Variants in OBP2B observed in about 807,000 individuals in gnomAD.
The protein encoded by OBP2B is odorant-binding protein 2b.
OBP2B carries 10 observed loss-of-function variants against 21.7 expected under a neutral mutation model. The ratio of observed to expected loss-of-function variants is 0.46; its 90% CI spans 0.28 to 0.78. The LOEUF (loss-of-function observed/expected upper bound fraction) is 0.78. OBP2B is among the 30% of genes least tolerant of loss of function. OBP2B has a pLI of 0.11. For missense variants in OBP2B, 153 were observed against 217.7 expected (o/e 0.70, Z 1.87); for synonymous variants, 73 against 91.5 (o/e 0.80, Z 1.16).
At chr9:133,207,946 C>G in intron 3 of OBP2B, 187 bp downstream of exon 3, 1 of 1,534,718 alleles carries the variant, frequency 6.5e-7, no homozygotes, top group African/African-American at 1.4e-5. Context: ...GCGGACAAGC[C>G]TGTCACACCC....
At chr9:133,220,153 T>C in the OBP2B span, among the ~76,000 whole-genome samples, 1 of 152,206 alleles carries the variant, frequency 6.6e-6, no homozygotes. Context: ...GGGACCTTTG[T>C]AAGATGATGA....
chr9:133,208,708 C>T (rs139682779), intron 1 of OBP2B, 106 bp from the exon 2 acceptor site: 22,960 of 1,522,016 alleles, frequency 0.015, 218 homozygotes, highest in Admixed American at 0.027. Context: ...TGCCCGGCTG[C>T]TGCCCTTAAA....
At chr9:133,221,453 G>A in the OBP2B span, among the ~76,000 whole-genome samples, 12 of 152,154 alleles carry the variant, frequency 7.9e-5, no homozygotes, top group Non-Finnish European at 1.6e-4. Context: ...GGCATGAAGT[G>A]ACACCACAAT....
the OBP2B span, among the ~76,000 whole-genome samples, chr9:133,217,544 C>T: frequency 3.9e-5 from 6 of 152,208 alleles, no homozygotes; most frequent in Non-Finnish European, 8.8e-5. Flanking sequence ...GGACGTCTGG[C>T]GGCACACACC....
chr9:133,207,102 C>A, intron 4 of OBP2B, 124 bp downstream of exon 4: 1 of 702,936 alleles, frequency 1.4e-6, no homozygotes, highest in Admixed American at 2.4e-5. Flanking sequence ...CGGTGCCCGG[C>A]ACATGAAAGC....
chr9:133,205,384 G>A lies in OBP2B; in HGVS notation c.*29C>T. The A allele has an allele frequency of 2.0e-6, 3 of 1,498,376 alleles. No homozygotes were observed. Among genetic ancestry groups the A allele is most frequent in the Non-Finnish European group, 2.7e-6 (3 of 1,103,546 alleles). The allele number at this position is 1,498,376 out of a possible 1,614,324, so 92.8% of individuals were successfully genotyped here. A position where few individuals can be genotyped will look rare whatever the true frequency, so the allele number is the denominator to read the frequency against. ...AGGCTCTGTGTCTGGTGGTAGGGTG[G>A]GCTCTGGAGGTGCAGACCCGGGGGC... On this transcript the variant is annotated 3_prime_UTR_variant, in exon 7 of 7. Coordinates refer to ENST00000372034, the MANE Select transcript of OBP2B (RefSeq NM_014581.4).
upstream of OBP2B, among the ~76,000 whole-genome samples, chr9:133,211,889 A>T (rs1833920604): frequency 1.3e-5 from 2 of 152,238 alleles, no homozygotes; most frequent in African/African-American, 4.8e-5. Flanking sequence ...AAATGGTTTA[A>T]ATATTAAATG....
chr9:133,205,534 C>T, intron 6 of OBP2B, 123 bp from the exon 7 acceptor site: 1 of 677,474 alleles, frequency 1.5e-6, no homozygotes, highest in Non-Finnish European at 2.5e-6. Flanking sequence ...CTCGGGGCTC[C>T]AGAGCGACCT....
At chr9:133,220,374 G>T in the OBP2B span, among the ~76,000 whole-genome samples, 2 of 152,208 alleles carry the variant, frequency 1.3e-5, no homozygotes, top group East Asian at 1.9e-4. Flanking sequence ...CCTGAGCTGC[G>T]CTCCATTAGG....
the OBP2B span, among the ~76,000 whole-genome samples, chr9:133,215,588 G>A: frequency 1.3e-5 from 2 of 151,610 alleles, no homozygotes; most frequent in African/African-American, 2.4e-5. Context: ...GCACAATCTC[G>A]ACTCATTGCA....
At chr9:133,222,801 C>G in the OBP2B span, among the ~76,000 whole-genome samples, 2 of 151,978 alleles carry the variant, frequency 1.3e-5, no homozygotes, top group Non-Finnish European at 2.9e-5. Flanking sequence ...AAGAATGGGC[C>G]TCCTTCTTCC....
chr9:133,205,846 C>A, intron 6 of OBP2B, 71 bp downstream of exon 6: 2 of 1,609,818 alleles, frequency 1.2e-6, no homozygotes, highest in Admixed American at 1.7e-5. Context: ...GGGGCCAGAG[C>A]AGATGTACCC....
At chr9:133,213,414 A>T (rs1833939950), upstream of OBP2B, among the ~76,000 whole-genome samples, 1 of 152,238 alleles carries the variant, frequency 6.6e-6, no homozygotes, top group South Asian at 2.1e-4. Context: ...GAAAAGAAAT[A>T]ACAAAGATAA....
rs1485397093 is a variant in OBP2B at position 133,208,164 on chromosome 9, C to G, written c.246G>C (p.Arg82=). ...TGTATTTGCCAGGCTCCTCCGTCTT[C>G]CGCATCAGGATTTTCTTCTGGATGC... ...DRCIQKKILM[R]KTEEPGKYSA... is the part of the protein sequence containing the mutation. Residue 82 remains arginine (R), a synonymous_variant, in exon 3 of 7, where the codon CGG becomes CGC. Transcript: ENST00000372034. 4.3e-6 allele frequency: 7 copies of G among 1,611,736 alleles called. 1 individual carries two copies. In the South Asian group the frequency reaches 6.6e-5, roughly 15 times the overall value.
chr9:133,223,123 C>T, the OBP2B span, among the ~76,000 whole-genome samples: 1 of 152,212 alleles, frequency 6.6e-6, no homozygotes, highest in African/African-American at 2.4e-5. This position sits in a 1 kb window ranked among gnomAD's most constrained non-coding sequence, Gnocchi z 4.4. Flanking sequence ...GAGCAGCTCT[C>T]AGATGGCTTC....
In OBP2B at chr9:133,205,780, A is replaced by G. The variant is rs1588614075; in HGVS notation, c.*1+137T>C. On this transcript the variant is annotated intron_variant, in intron 6 of 6. Coordinates refer to ENST00000372034, the MANE Select transcript of OBP2B (RefSeq NM_014581.4). Reference sequence around the variant, plus strand: ...AGGAACTGTGGGTGGGCAGACTCTGAGGTGCCAACCTCGTGCCTGACCCTG... The same window carrying G: ...AGGAACTGTGGGTGGGCAGACTCTGGGGTGCCAACCTCGTGCCTGACCCTG... The G allele has an allele frequency of 5.5e-6, 6 of 1,093,056 alleles. No homozygotes were observed. In the South Asian group the frequency reaches 8.3e-5, roughly 15 times the overall value. The allele number at this position is 1,093,056 out of a possible 1,614,324, so 67.7% of individuals were successfully genotyped here.
At chr9:133,210,675 G>A (rs570601367), upstream of OBP2B, among the ~76,000 whole-genome samples, 2 of 152,322 alleles carry the variant, frequency 1.3e-5, no homozygotes, top group South Asian at 4.1e-4. Context: ...ATGCTGGAAC[G>A]ACATGCACAG....
the OBP2B span, among the ~76,000 whole-genome samples, chr9:133,215,849 T>C: frequency 1.3e-5 from 2 of 152,210 alleles, no homozygotes; most frequent in African/African-American, 4.8e-5. Flanking sequence ...TTGTAGCAAA[T>C]GGGCTGGATT....
upstream of OBP2B, among the ~76,000 whole-genome samples, chr9:133,211,303 A>G (rs543057781): frequency 2.0e-5 from 3 of 152,306 alleles, 1 homozygote; most frequent in South Asian, 6.2e-4. Context: ...ACCTATTTTA[A>G]TTATTTCAGA....
Sources: gnomAD v4.1 joint callset for allele counts (sites outside exome capture counted in the v4.1 genomes callset) on GRCh38, gnomAD v4.1.1 for gene constraint, Gnocchi (gnomAD v3.1) non-coding constraint, MANE v1.5 for transcripts, NCBI Gene and HGNC (gene_info 2026-07-23, HGNC 2026-07-21) for gene names.